The following ARHGEF11 variants were observed in gnomAD, a reference collection of about 807,000 sequenced individuals.
ARHGEF11 encodes the protein Rho guanine nucleotide exchange factor 11.
ARHGEF11 carries 55 observed loss-of-function variants against 193.7 expected under a neutral mutation model. The observed-to-expected ratio is 0.28, with a 90% CI of 0.23 to 0.36. ARHGEF11 has a LOEUF of 0.36. Among genes scored for constraint, ARHGEF11 ranks in the 10% least tolerant of loss-of-function variants. The pLI is 1.00. For synonymous variants in ARHGEF11, 693 were observed against 768.0 expected, an observed-to-expected ratio of 0.90 and a Z score of 1.62; for missense variants, 1,723 against 2,005.6, an observed-to-expected ratio of 0.86 and a Z score of 2.69.
chr1:156,958,215 C>T (rs1276649832), intron 17 of ARHGEF11, among the ~76,000 whole-genome samples: 1 of 152,212 alleles, frequency 6.6e-6, no homozygotes, highest in East Asian at 1.9e-4. Context: ...GCTTGCATCA[C>T]AGGTGCCTAT....
chr1:156,958,265 C>T (rs1034379115), intron 17 of ARHGEF11, among the ~76,000 whole-genome samples: 1 of 152,172 alleles, frequency 6.6e-6, no homozygotes, highest in African/African-American at 2.4e-5. Context: ...ATAACAAAAG[C>T]GGCTGTGCCA....
rs373167457 is a variant in ARHGEF11, at chr1:156,938,529, C to A, written c.4097-16G>T. ...GCCACCTCAGCTGCACCGACACCACCACCACCAGGAAGAGGAGAGACCAAA... is the reference window on the plus strand; with the variant it reads ...GCCACCTCAGCTGCACCGACACCACAACCACCAGGAAGAGGAGAGACCAAA... On this transcript the variant is annotated splice_polypyrimidine_tract_variant and intron_variant, in intron 37 of 40. Transcript: ENST00000368194. 370 of 1,610,478 alleles carry A rather than the reference C, an allele frequency of 2.3e-4. 2 individuals carry two copies. In the African/African-American group the frequency reaches 4.2e-3, roughly 18 times the overall value.
chr1:156,988,829 G>C (rs529052918), intron 1 of ARHGEF11, among the ~76,000 whole-genome samples: 1 of 152,238 alleles, frequency 6.6e-6, no homozygotes, highest in African/African-American at 2.4e-5. Context: ...GAGCTTAAAG[G>C]AGAGAAAACT....
intron 1 of ARHGEF11, among the ~76,000 whole-genome samples, chr1:157,007,756 C>T (rs61382564): frequency 0.016 from 2,364 of 152,264 alleles, 56 homozygotes; most frequent in African/African-American, 0.048. Context: ...TCTCTGACCG[C>T]CTTATCTAAA....
At chr1:157,038,993 C>T (rs891203236) in intron 1 of ARHGEF11, among the ~76,000 whole-genome samples, 8 of 152,134 alleles carry the variant, frequency 5.3e-5, no homozygotes, top group African/African-American at 1.9e-4. Context: ...GCACTCCAGC[C>T]TGGGCGACAG....
intron 1 of ARHGEF11, among the ~76,000 whole-genome samples, chr1:156,996,207 A>G (rs1210667597): frequency 6.6e-6 from 1 of 152,220 alleles, no homozygotes; most frequent in African/African-American, 2.4e-5. Flanking sequence ...AAATTCTTCA[A>G]TGCCCCAGAT....
Position 156,988,891 on chromosome 1 carries a change from T to C in ARHGEF11, c.33-2718A>G, listed in dbSNP as rs193038795. On this transcript the variant is annotated intron_variant, in intron 1 of 40. Coordinates refer to ENST00000368194, the MANE Select transcript of ARHGEF11 (RefSeq NM_198236.3). ...GCCTATGGAAGGCAGGCCTGGTGGA[T>C]AGAATCAATGGACAGACTATTGTGT... is the stretch of plus-strand genomic sequence containing the variant. Among the ~76,000 whole-genome samples the C allele has an allele frequency of 1.0e-3, 154 of 152,192 alleles. 1 individual carries two copies. The highest frequency in any genetic ancestry group is 1.5e-3 in the Non-Finnish European group (103 of 67,998).
chr1:156,951,460 G>A, intron 22 of ARHGEF11, 113 bp downstream of exon 22: 1 of 1,430,776 alleles, frequency 7.0e-7, no homozygotes, highest in Non-Finnish European at 9.5e-7. Context: ...TCTGTAAAGG[G>A]AGCCTTAGAA....
chr1:157,044,664 C>A lies in ARHGEF11; in HGVS notation c.-334G>T. 2.5e-6 allele frequency: 1 copy of A among 398,764 alleles called. No homozygotes were observed. The highest frequency in any genetic ancestry group is 4.4e-6 in the Non-Finnish European group (1 of 225,950). The allele number at this position is 398,764 out of a possible 1,614,324, so 24.7% of individuals were successfully genotyped here. A position where few individuals can be genotyped will look rare whatever the true frequency, so the allele number is the denominator to read the frequency against. On this transcript the variant is annotated 5_prime_UTR_variant, in exon 1 of 41. Coordinates refer to ENST00000368194, the MANE Select transcript of ARHGEF11 (RefSeq NM_198236.3). The stretch of plus-strand genomic sequence containing the variant: ...ATCTCTTCAAGGTTAGCACTATGGC[C>A]AAAAAAAAATGAATCACAGAAAAAT...
chr1:156,935,980 G>T lies in ARHGEF11; in HGVS notation c.*20C>A. On this transcript the variant is annotated 3_prime_UTR_variant, in exon 41 of 41. Transcript: ENST00000368194. ...CCTGAAGGAGGAGTGGGGACGCAGA[G>T]GATTTGGTGGTTTGTACGGTTATGG... 1.2e-6 allele frequency: 2 copies of T among 1,608,568 alleles called. No individual in the cohort carries two copies. Among genetic ancestry groups the T allele is most frequent in the Non-Finnish European group, 1.7e-6 (2 of 1,176,698 alleles).
intron 1 of ARHGEF11, among the ~76,000 whole-genome samples, chr1:157,033,177 CACA>C (rs1671501552): frequency 6.6e-6 from 1 of 152,168 alleles, no homozygotes; most frequent in South Asian, 2.1e-4. Context: ...GCACTTCAAA[CACA>C]ACATGTCCAA....
Position 156,939,553 on chromosome 1 carries a change from C to T in ARHGEF11, c.4091G>A (p.Arg1364Lys), listed in dbSNP as rs767035441. ...GACACTCCCATTTATTTTACCTTTT[C>T]TCACAACTTTGTAACCTCCTGCTGC... ...TEAAGGYKVV[R>K]KAEVAGSKVV... is the part of the protein sequence containing the mutation. Residue 1364 changes from arginine to lysine, a missense_variant, in exon 37 of 41, where the codon AGA (arginine) becomes AAA (lysine). Physicochemically the swap from Arg to Lys is conservative, Grantham distance 26. Coordinates refer to ENST00000368194, the MANE Select transcript of ARHGEF11 (RefSeq NM_198236.3). The T allele has an allele frequency of 1.7e-5, 27 of 1,610,874 alleles. No individual in the cohort carries two copies. The highest frequency in any genetic ancestry group is 4.2e-6 in the Non-Finnish European group (5 of 1,180,028).
At chr1:157,000,954 G>C (rs928902768) in intron 1 of ARHGEF11, among the ~76,000 whole-genome samples, 2 of 152,198 alleles carry the variant, frequency 1.3e-5, no homozygotes, top group Non-Finnish European at 2.9e-5. Context: ...GTAGAAGAAA[G>C]AAGGGCGTGC....
chr1:156,952,722 C>G (rs1659301925), intron 21 of ARHGEF11, among the ~76,000 whole-genome samples: 1 of 152,264 alleles, frequency 6.6e-6, no homozygotes, highest in Non-Finnish European at 1.5e-5. Flanking sequence ...AACTTGACAG[C>G]CTTTAGGCAA....
intron 38 of ARHGEF11, 34 bp from the exon 39 acceptor site, chr1:156,937,530 C>A (rs750056112): frequency 6.7e-7 from 1 of 1,503,118 alleles, no homozygotes. Flanking sequence ...GATCAGGAGG[C>A]AAACAGAGAA....
At chr1:156,942,952 G>A (rs1356886795) in intron 32 of ARHGEF11, among the ~76,000 whole-genome samples, 172 bp from the exon 33 acceptor site, 1 of 152,084 alleles carries the variant, frequency 6.6e-6, no homozygotes, top group Non-Finnish European at 1.5e-5. Flanking sequence ...CTTACATAAG[G>A]GACAGAGGAA....
intron 1 of ARHGEF11, among the ~76,000 whole-genome samples, chr1:157,008,653 A>G (rs1668194379): frequency 6.6e-6 from 1 of 152,244 alleles, no homozygotes; most frequent in African/African-American, 2.4e-5. Flanking sequence ...AGTGAGAACT[A>G]GAACCCAGGG....
At position 156,970,046 on chromosome 1, in the gene ARHGEF11, G is replaced by T. The variant is rs778218627; in HGVS notation, c.703-3C>A. On this transcript the variant is annotated splice_region_variant and splice_polypyrimidine_tract_variant and intron_variant, in intron 8 of 40. Coordinates refer to ENST00000368194, the MANE Select transcript of ARHGEF11 (RefSeq NM_198236.3). ...TCACCATATAGTGGAAGTATGTCCTGAAACAGAAAGGCCCACAGGGTGGGC... is the reference window on the plus strand; with the variant it reads ...TCACCATATAGTGGAAGTATGTCCTTAAACAGAAAGGCCCACAGGGTGGGC... 6.2e-7 allele frequency: 1 copy of T among 1,613,888 alleles called. No individual in the cohort carries two copies. Among genetic ancestry groups the T allele is most frequent in the South Asian group, 1.1e-5 (1 of 91,050 alleles).
intron 1 of ARHGEF11, among the ~76,000 whole-genome samples, chr1:157,032,900 T>C (rs1671470064): frequency 6.6e-6 from 1 of 152,160 alleles, no homozygotes; most frequent in Non-Finnish European, 1.5e-5. Flanking sequence ...ACTGCCCTGG[T>C]TGCTTCTGTC....
Sources: allele counts gnomAD v4.1 joint callset (sites outside exome capture counted in the v4.1 genomes callset), GRCh38; gene constraint gnomAD v4.1.1; transcripts MANE v1.5; gene names NCBI Gene and HGNC (gene_info 2026-07-23, HGNC 2026-07-21).